The following MACROD2 variants were observed in gnomAD, a reference collection of about 807,000 sequenced individuals.
The protein encoded by MACROD2 is mono-ADP ribosylhydrolase 2, also known as ADP-ribose glycohydrolase MACROD2.
Under a neutral mutation model 70.4 loss-of-function variants are expected in MACROD2, and 36 were observed. The observed-to-expected ratio is 0.51, with a 90% confidence interval of 0.39 to 0.68. MACROD2 has a LOEUF of 0.68. MACROD2 is among the 30% of genes least tolerant of loss of function. MACROD2 has a pLI of 0.00. For missense variants in MACROD2, 496 were observed against 538.4 expected, an observed-to-expected ratio of 0.92 and a Z score of 0.78; for synonymous variants, 172 against 178.8, an observed-to-expected ratio of 0.96 and a Z score of 0.30.
intron 4 of MACROD2, among the ~76,000 whole-genome samples, chr20:14,682,016 A>G (rs139422993): frequency 4.8e-4 from 73 of 152,280 alleles, no homozygotes; most frequent in African/African-American, 1.7e-3. Flanking sequence ...TGCATTTGGT[A>G]CATTTAAGCT....
At chr20:15,227,503 A>G (rs1601259022) in intron 5 of MACROD2, among the ~76,000 whole-genome samples, 1 of 152,234 alleles carries the variant, frequency 6.6e-6, no homozygotes, top group East Asian at 1.9e-4. Context: ...TAAGAGAACC[A>G]TGGTCATGTC....
intron 5 of MACROD2, among the ~76,000 whole-genome samples, chr20:15,095,310 C>T (rs970542358): frequency 6.6e-5 from 10 of 151,762 alleles, no homozygotes; most frequent in African/African-American, 1.9e-4. Flanking sequence ...CTCCAGACCT[C>T]GTGATCCACC....
intron 5 of MACROD2, among the ~76,000 whole-genome samples, chr20:15,195,793 C>G (rs1278760680): frequency 2.6e-5 from 4 of 152,134 alleles, no homozygotes; most frequent in African/African-American, 9.7e-5. Context: ...ATGTTCATTG[C>G]ATCACTATTC....
chr20:15,271,528 G>A (rs187126634), intron 6 of MACROD2, among the ~76,000 whole-genome samples: 12 of 152,326 alleles, frequency 7.9e-5, no homozygotes, highest in Admixed American at 7.2e-4. Context: ...AAACAGCACA[G>A]GCACATGGTA....
chr20:15,254,412 T>C (rs1266791346), intron 6 of MACROD2, among the ~76,000 whole-genome samples: 2 of 152,178 alleles, frequency 1.3e-5, no homozygotes, highest in Admixed American at 6.6e-5. Context: ...TTATCATTTG[T>C]TGCTTAGCAG....
At chr20:15,080,955 T>A (rs1220235396) in intron 5 of MACROD2, among the ~76,000 whole-genome samples, 3 of 152,088 alleles carry the variant, frequency 2.0e-5, no homozygotes, top group African/African-American at 7.2e-5. Flanking sequence ...CGAGTAAATC[T>A]TGCTTACTCT....
At chr20:14,266,260 C>G (rs1189836886) in intron 3 of MACROD2, among the ~76,000 whole-genome samples, 1 of 152,080 alleles carries the variant, frequency 6.6e-6, no homozygotes, top group East Asian at 1.9e-4. Context: ...CCATAATTTT[C>G]TTATATATAA....
chr20:14,434,505 G>C (rs995503254), intron 3 of MACROD2, among the ~76,000 whole-genome samples: 1 of 151,990 alleles, frequency 6.6e-6, no homozygotes, highest in African/African-American at 2.4e-5. Flanking sequence ...CCTTGCAATT[G>C]TTAGTTTAAA....
At chr20:14,185,209 G>C (rs993153298) in intron 3 of MACROD2, among the ~76,000 whole-genome samples, 1 of 152,164 alleles carries the variant, frequency 6.6e-6, no homozygotes, top group Non-Finnish European at 1.5e-5. Context: ...CATAACTTTA[G>C]TATCTAGAAA....
chr20:14,284,635 C>T (rs1481187044), intron 3 of MACROD2, among the ~76,000 whole-genome samples: 1 of 152,158 alleles, frequency 6.6e-6, no homozygotes, highest in African/African-American at 2.4e-5. Context: ...ACCTTTGTAC[C>T]GTGTGTAGCA....
intron 6 of MACROD2, among the ~76,000 whole-genome samples, chr20:15,366,892 T>C (rs916729829): frequency 6.6e-6 from 1 of 152,060 alleles, no homozygotes; most frequent in Non-Finnish European, 1.5e-5. Context: ...TGTAAATGCC[T>C]CCCATGTTGT....
chr20:15,326,372 T>C (rs1472000983), intron 6 of MACROD2, among the ~76,000 whole-genome samples: 3 of 152,224 alleles, frequency 2.0e-5, no homozygotes, highest in Non-Finnish European at 4.4e-5. Context: ...AAAATAATAC[T>C]AAAGCATTAC....
rs16997014 is a variant in MACROD2 at position 16,050,724 on chromosome 20, G to C, written c.*848G>C. 75,540 of 152,136 alleles carry C rather than the reference G, an allele frequency of 0.5. 19,438 individuals carry two copies. The highest frequency in any genetic ancestry group is 0.65 in the African/African-American group (27,148 of 41,500). The allele number at this position is 152,136 out of a possible 1,614,324, so 9.4% of individuals were successfully genotyped here. A position where few individuals can be genotyped will look rare whatever the true frequency, so the allele number is the denominator to read the frequency against. Reference sequence around the variant, plus strand: ...CAGTTAAAAGCTAAGAAAAGGGGCAGTGCATTTAGGACCCAAACATATGCC... The same window carrying C: ...CAGTTAAAAGCTAAGAAAAGGGGCACTGCATTTAGGACCCAAACATATGCC... On this transcript the variant is annotated 3_prime_UTR_variant, in exon 18 of 18. Transcript: ENST00000684519.
chr20:14,112,555 T>C (rs1173528317), intron 3 of MACROD2, among the ~76,000 whole-genome samples: 1 of 151,984 alleles, frequency 6.6e-6, no homozygotes, highest in Admixed American at 6.6e-5. Flanking sequence ...TTTTATTAAT[T>C]TTAGTTGAAA....
chr20:14,511,131 G>T (rs1354604108), intron 4 of MACROD2, among the ~76,000 whole-genome samples: 2 of 152,060 alleles, frequency 1.3e-5, no homozygotes, highest in Non-Finnish European at 2.9e-5. Context: ...TTTTCTTAGA[G>T]CTGATGCTTT....
chr20:14,634,260 A>G (rs917185467), intron 4 of MACROD2, among the ~76,000 whole-genome samples: 3 of 152,232 alleles, frequency 2.0e-5, no homozygotes, highest in African/African-American at 7.2e-5. Context: ...ACACTTTTCC[A>G]TAAGCTTGTC....
chr20:15,266,861 TC>T (rs2077299413), intron 6 of MACROD2, among the ~76,000 whole-genome samples: 1 of 152,192 alleles, frequency 6.6e-6, no homozygotes. Context: ...GTACTCTGCT[TC>T]CGTTTCTATG....
At position 15,647,155 on chromosome 20, in the gene MACROD2, G is replaced by A. The variant is rs146242863; in HGVS notation, c.645+147308G>A. ...AGAATATAGGAAAAGGGAAGTAGCAGCGATGCTATGGAATCTTAGAGTTCT... is the reference window on the plus strand; with the variant it reads ...AGAATATAGGAAAAGGGAAGTAGCAACGATGCTATGGAATCTTAGAGTTCT... On this transcript the variant is annotated intron_variant, in intron 8 of 17. Coordinates refer to ENST00000684519, the MANE Select transcript of MACROD2 (RefSeq NM_001351661.2). Among the ~76,000 whole-genome samples the A allele has an allele frequency of 1.6e-3, 247 of 152,342 alleles. No homozygotes were observed. The Middle Eastern group carries it at 0.02, about 13-fold the overall frequency.
intron 5 of MACROD2, among the ~76,000 whole-genome samples, chr20:15,217,341 A>G (rs768669450): frequency 6.6e-6 from 1 of 152,138 alleles, no homozygotes; most frequent in East Asian, 1.9e-4. Context: ...ATGCTTTCAC[A>G]TATAATACAT....
Sources: allele counts gnomAD v4.1 joint callset (sites outside exome capture counted in the v4.1 genomes callset), GRCh38; gene constraint gnomAD v4.1.1; transcripts MANE v1.5; gene names NCBI Gene and HGNC (gene_info 2026-07-23, HGNC 2026-07-21).